CPA6: variants seen among roughly 807,000 people sequenced by gnomAD.
CPA6 encodes carboxypeptidase A6.
In CPA6, 58 loss-of-function variants were observed where a neutral mutation model predicts 63.3. That is an observed-to-expected ratio of 0.92 (90% CI 0.74 to 1.14). CPA6 has a LOEUF of 1.14. Ranked by LOEUF, CPA6 falls within the 50% of genes most tolerant of loss-of-function variation. CPA6 has a pLI of 0.00. For synonymous variants in CPA6, 185 were observed against 179.0 expected, an observed-to-expected ratio of 1.03 and a Z score of -0.27; for missense variants, 565 against 526.6, an observed-to-expected ratio of 1.07 and a Z score of -0.71.
chr8:67,518,697 G>A (rs569212962), intron 2 of CPA6, among the ~76,000 whole-genome samples: 1 of 151,426 alleles, frequency 6.6e-6, no homozygotes, highest in East Asian at 1.9e-4. Context: ...TTTTAGTAGA[G>A]ACAGGGTTTC....
At chr8:67,461,613 T>G (rs1236708092) in intron 8 of CPA6, among the ~76,000 whole-genome samples, 64 of 151,886 alleles carry the variant, frequency 4.2e-4, no homozygotes, top group Admixed American at 8.5e-4. Context: ...AGGCAGAGGG[T>G]CTCCTCACTT....
chr8:67,561,280 C>A (rs1301489807), intron 2 of CPA6, among the ~76,000 whole-genome samples: 1 of 152,122 alleles, frequency 6.6e-6, no homozygotes, highest in African/African-American at 2.4e-5. Flanking sequence ...AATATGGTTT[C>A]AAAGTACCTC....
chr8:67,540,078 C>T (rs1754661463), intron 2 of CPA6, among the ~76,000 whole-genome samples: 1 of 152,084 alleles, frequency 6.6e-6, no homozygotes, highest in Non-Finnish European at 1.5e-5. Flanking sequence ...GGAGAAGAGG[C>T]ATTCTGGTTT....
At chr8:67,745,848 A>G (rs906557119) in intron 1 of CPA6, among the ~76,000 whole-genome samples, 166 bp downstream of exon 1, 3 of 152,200 alleles carry the variant, frequency 2.0e-5, no homozygotes, top group Non-Finnish European at 4.4e-5. Flanking sequence ...TCAGTGAGCT[A>G]AAGCCAAGAG....
intron 2 of CPA6, among the ~76,000 whole-genome samples, chr8:67,520,972 A>G (rs1196264203): frequency 6.6e-6 from 1 of 152,216 alleles, no homozygotes; most frequent in Admixed American, 6.5e-5. Context: ...CAAGGTTCTA[A>G]TCAGCCCCCT....
chr8:67,507,463 A>G (rs1480300271), intron 5 of CPA6, among the ~76,000 whole-genome samples: 2 of 152,200 alleles, frequency 1.3e-5, no homozygotes, highest in South Asian at 2.1e-4. Context: ...TTTCTTTACA[A>G]TCCTACCATA....
intron 1 of CPA6, among the ~76,000 whole-genome samples, chr8:67,651,935 A>T (rs1357240439): frequency 1.3e-5 from 2 of 148,516 alleles, no homozygotes; most frequent in African/African-American, 2.5e-5. Flanking sequence ...ATGTTCCCCT[A>T]CCTGTGTCCA....
chr8:67,603,699 C>T lies in CPA6; in HGVS notation c.192+20477G>A, dbSNP rs80127699. Among the ~76,000 whole-genome samples the T allele has an allele frequency of 2.2e-3, 336 of 152,202 alleles. 8 individuals are homozygous for T. The East Asian group carries it at 0.056, about 25-fold the overall frequency. ...TCGTAAGATAGTCTGAAAAAAGTAC[C>T]CAGGCAAATTAGATTTTTCCCATCT... On this transcript the variant is annotated intron_variant, in intron 2 of 10. Transcript: ENST00000297770.
chr8:67,550,342 C>T (rs965668620), intron 2 of CPA6, among the ~76,000 whole-genome samples: 1 of 152,146 alleles, frequency 6.6e-6, no homozygotes, highest in Non-Finnish European at 1.5e-5. Flanking sequence ...TGGCCTCCAG[C>T]TGCATCTATG....
At chr8:67,652,541 C>T (rs2128991599) in intron 1 of CPA6, among the ~76,000 whole-genome samples, 1 of 151,804 alleles carries the variant, frequency 6.6e-6, no homozygotes, top group Admixed American at 6.6e-5. Context: ...TAAATGTCTT[C>T]TTTTGAGAAG....
intron 1 of CPA6, among the ~76,000 whole-genome samples, chr8:67,653,189 T>C (rs1278080471): frequency 6.6e-6 from 1 of 151,262 alleles, no homozygotes; most frequent in Non-Finnish European, 1.5e-5. Context: ...CCTCCAGCTT[T>C]GTTCTTTTGG....
At chr8:67,728,086 A>C (rs1231313809) in intron 1 of CPA6, among the ~76,000 whole-genome samples, 1 of 151,110 alleles carries the variant, frequency 6.6e-6, no homozygotes, top group Non-Finnish European at 1.5e-5. Context: ...TCAAAAAAAA[A>C]AAAAACAAAA....
At chr8:67,461,541 A>C (rs1810806822) in intron 8 of CPA6, among the ~76,000 whole-genome samples, 1 of 152,144 alleles carries the variant, frequency 6.6e-6, no homozygotes, top group South Asian at 2.1e-4. Context: ...CAAAACCGCC[A>C]TTGTCATCCC....
intron 1 of CPA6, among the ~76,000 whole-genome samples, chr8:67,630,670 C>T (rs964881276): frequency 6.6e-6 from 1 of 152,232 alleles, no homozygotes; most frequent in Non-Finnish European, 1.5e-5. Context: ...GGGAGCCACT[C>T]TTTGGGCTGG....
rs768944284 is a variant in CPA6, at chr8:67,506,872, C to A, written c.551G>T (p.Arg184Leu). Residue 184 changes from arginine to leucine, a missense_variant, in exon 6 of 11, where the codon CGA becomes CTA. Physicochemically the swap from Arg to Leu is moderately radical, Grantham distance 102 (BLOSUM62 -2). Transcript: ENST00000297770. ...LFILKLGRRS[R>L]LKRAVWIDCG... ...GTCTATCCAAACAGCTCTTTTGAGT[C>A]GTGATCGTCTGCCCAGCTGAAAACA... 1.9e-6 allele frequency: 3 copies of A among 1,613,244 alleles called. No homozygotes were observed. The highest frequency in any genetic ancestry group is 1.7e-6 in the Non-Finnish European group (2 of 1,179,338).
At chr8:67,653,862 G>A (rs1037355029) in intron 1 of CPA6, among the ~76,000 whole-genome samples, 1 of 151,874 alleles carries the variant, frequency 6.6e-6, no homozygotes, top group African/African-American at 2.4e-5. Context: ...CATTCAGTAT[G>A]ATATTGGCTG....
chr8:67,567,655 T>C (rs1813373008), intron 2 of CPA6, among the ~76,000 whole-genome samples: 2 of 152,168 alleles, frequency 1.3e-5, no homozygotes, highest in South Asian at 2.1e-4. Context: ...GAACCACTTG[T>C]GTGTTCCATG....
intron 2 of CPA6, among the ~76,000 whole-genome samples, chr8:67,552,111 G>T (rs924740): frequency 0.75 from 114,574 of 152,152 alleles, 43,500 homozygotes; most frequent in Non-Finnish European, 0.8. Flanking sequence ...TCCTTCCAAA[G>T]TAAACAAACA....
intron 8 of CPA6, among the ~76,000 whole-genome samples, chr8:67,446,169 G>A (rs926293633): frequency 1.1e-4 from 17 of 151,508 alleles, no homozygotes; most frequent in South Asian, 2.1e-4. Flanking sequence ...TGGAGGCTGA[G>A]GCAGGAGAAT....
Sources: allele counts gnomAD v4.1 joint callset (sites outside exome capture counted in the v4.1 genomes callset), GRCh38; gene constraint gnomAD v4.1.1; transcripts MANE v1.5; gene names NCBI Gene and HGNC (gene_info 2026-07-23, HGNC 2026-07-21).